INTS1: variants seen among roughly 807,000 people sequenced by gnomAD.
The protein encoded by INTS1 is integrator complex subunit 1.
Under a neutral mutation model 241.6 loss-of-function variants are expected in INTS1, and 137 were observed. That is an observed-to-expected ratio of 0.57 (90% confidence interval 0.49 to 0.65). The LOEUF (loss-of-function observed/expected upper bound fraction) is 0.65. Ranked by LOEUF, INTS1 falls within the 30% of genes least tolerant of loss-of-function variation. The probability of loss-of-function intolerance (pLI) is 0.00; values close to 1 mark genes in which losing one functional copy is unlikely to be tolerated. For missense variants in INTS1, 3,073 were observed against 3,032.2 expected (o/e 1.01, Z -0.32); for synonymous variants, 1,692 against 1,337.8 (o/e 1.26, Z -5.78).
In INTS1 at chr7:1,496,210, T is replaced by C. The variant is rs765219138; in HGVS notation, c.1657A>G (p.Ile553Val). The C allele has an allele frequency of 1.1e-5, 17 of 1,613,748 alleles. No individual in the cohort carries two copies. Among genetic ancestry groups the C allele is most frequent in the Admixed American group, 3.3e-5 (2 of 60,002 alleles). ...CCGGCCTCCTTCACCTGCGCTGTGA[T>C]GCCCAGCATCATGGACACGGCCAGG... ...DVLAVSMMLG[I>V]TAQVKEAGIA... Residue 553 changes from isoleucine (I) to valine (V), a missense_variant, in exon 12 of 48, where the codon ATC becomes GTC. Physicochemically the swap from Ile to Val is conservative, Grantham distance 29. Transcript: ENST00000404767.
At chr7:1,495,983 G>C (rs1323198980) in intron 12 of INTS1, among the ~76,000 whole-genome samples, 173 bp downstream of exon 12, 1 of 152,188 alleles carries the variant, frequency 6.6e-6, no homozygotes. Flanking sequence ...GGTGAGGCCC[G>C]GATGGACAGG....
Position 1,498,868 on chromosome 7 carries a change from G to C in INTS1, c.1138-16C>G, listed in dbSNP as rs1305238828. On this transcript the variant is annotated splice_polypyrimidine_tract_variant and intron_variant, in intron 8 of 47. Coordinates refer to ENST00000404767, the MANE Select transcript of INTS1 (RefSeq NM_001080453.3). ...GCCGGGTCAGCTGCGGGGCCGAGGA[G>C]GGAGCAGTGGGCTCACGGCCACCCC... The C allele has an allele frequency of 6.3e-7, 1 of 1,588,572 alleles. No individual in the cohort carries two copies. Among genetic ancestry groups the C allele is most frequent in the Non-Finnish European group, 8.6e-7 (1 of 1,168,514 alleles).
rs565349729 is a variant in INTS1 at position 1,493,194 on chromosome 7, G to A, written c.2069-88C>T. The stretch of plus-strand genomic sequence containing the variant: ...AGGGAACCGGCCCTGCTCGGGCCGC[G>A]TCGGGGTGGGGTGGGGGATGCCGCA... On this transcript the variant is annotated intron_variant, in intron 15 of 47. Coordinates refer to ENST00000404767, the MANE Select transcript of INTS1 (RefSeq NM_001080453.3). The surrounding 1 kb of genome is among the most constrained non-coding windows in gnomAD (Gnocchi z 5.3). 34 of 985,386 alleles carry A rather than the reference G, an allele frequency of 3.5e-5. No homozygotes were observed. Among genetic ancestry groups the A allele is most frequent in the African/African-American group, 2.6e-4 (16 of 62,128 alleles). The allele number at this position is 985,386 out of a possible 1,614,324, so 61.0% of individuals were successfully genotyped here. A position where few individuals can be genotyped will look rare whatever the true frequency, so the allele number is the denominator to read the frequency against.
In INTS1 at chr7:1,499,980, G is replaced by T; in HGVS notation, c.588C>A (p.Phe196Leu). 1 of 1,613,614 alleles carries T rather than the reference G, an allele frequency of 6.2e-7. No homozygotes were observed. ...ACACCAGGCTGTTCCCCTTGGCCTTGAAGTTGATGGAGGCGTCCCGCCGCA... is the reference window on the plus strand; with the variant it reads ...ACACCAGGCTGTTCCCCTTGGCCTTTAAGTTGATGGAGGCGTCCCGCCGCA... ...SLLRRDASIN[F>L]KAKGNSLVSV... The change falls in exon 5 of 48, where the codon TTC becomes TTA. Residue 196 changes from phenylalanine to leucine, a missense_variant. By Grantham distance (22) the Phe-to-Leu change is conservative. Transcript: ENST00000404767.
At chr7:1,498,128 G>A (rs1782953999) in intron 10 of INTS1, among the ~76,000 whole-genome samples, 1 of 152,218 alleles carries the variant, frequency 6.6e-6, no homozygotes, top group Non-Finnish European at 1.5e-5. Context: ...ACAGGTCTGG[G>A]TCTTAGCTCA....
chr7:1,474,707 G>GAGC lies in INTS1; in HGVS notation c.5631_5633dup (p.Leu1878dup). On this transcript the variant is annotated inframe_insertion, in exon 40 of 48. Transcript: ENST00000404767. ...GGGCAGGGCTTCTGGGACAGCACCT[G>GAGC]AGCAGCAGCAGCGGGTGCGCCACCG... is the stretch of plus-strand genomic sequence containing the variant. 6.4e-7 allele frequency: 1 copy of GAGC among 1,559,612 alleles called. No homozygotes were observed. The highest frequency in any genetic ancestry group is 8.7e-7 in the Non-Finnish European group (1 of 1,153,906).
At position 1,481,029 on chromosome 7, in the gene INTS1, C is replaced by T. The variant is rs907620487; in HGVS notation, c.3851-96G>A. ...AAACCAGAGTTGGAGATGCCCCCAC[C>T]GTCACCAGCACTTCCCAAGGACTTC... On this transcript the variant is annotated intron_variant, in intron 28 of 47. Transcript: ENST00000404767. The surrounding 1 kb of genome is among the most constrained non-coding windows in gnomAD (Gnocchi z 6.8). The T allele has an allele frequency of 3.3e-5, 29 of 883,472 alleles. No individual in the cohort carries two copies. Among genetic ancestry groups the T allele is most frequent in the Admixed American group, 8.4e-5 (4 of 47,542 alleles). The allele number at this position is 883,472 out of a possible 1,614,324, so 54.7% of individuals were successfully genotyped here.
At chr7:1,475,788 T>A (rs1781687169) in intron 39 of INTS1, among the ~76,000 whole-genome samples, 160 bp downstream of exon 39, 1 of 152,154 alleles carries the variant, frequency 6.6e-6, no homozygotes, top group Non-Finnish European at 1.5e-5. Context: ...GGTATAAAAC[T>A]CAACGCAGAC....
chr7:1,470,976 A>G lies in INTS1; in HGVS notation c.6348-21T>C, dbSNP rs1584252237. 3 of 1,541,596 alleles carry G rather than the reference A, an allele frequency of 1.9e-6. No individual in the cohort carries two copies. The African/African-American group carries it at 4.1e-5, about 21-fold the overall frequency. ...CAATGCTGAAAGACCCACACACTTC[A>G]GTGGGAACCTCCACCCTGTGCCCAC... is the stretch of plus-strand genomic sequence containing the variant. On this transcript the variant is annotated intron_variant, in intron 46 of 47. Transcript: ENST00000404767.
At position 1,500,220 on chromosome 7, in the gene INTS1, A is replaced by G; in HGVS notation, c.496T>C (p.Tyr166His). The G allele has an allele frequency of 1.2e-6, 2 of 1,605,006 alleles. No homozygotes were observed. Among genetic ancestry groups the G allele is most frequent in the South Asian group, 1.1e-5 (1 of 89,776 alleles). The stretch of plus-strand genomic sequence containing the variant: ...ATGTTGGGCTTGATCTTGGCCAGGT[A>G]CATGAGGCTCAGGTAGAGGGTGCTG... Reference protein sequence around the residue: ...PDSTLYLSLMYLAKIKPNIFA... With the variant: ...PDSTLYLSLMHLAKIKPNIFA... The change falls in exon 4 of 48, where the codon TAC (tyrosine) becomes CAC (histidine). Residue 166 changes from tyrosine to histidine, a missense_variant. Coordinates refer to ENST00000404767, the MANE Select transcript of INTS1 (RefSeq NM_001080453.3).
At chr7:1,498,941 C>CG in intron 8 of INTS1, 34 bp downstream of exon 8, 5 of 1,344,054 alleles carry the variant, frequency 3.7e-6, no homozygotes, top group East Asian at 2.7e-5. Flanking sequence ...CCCCCACCCC[C>CG]TGCCCCGCCC....
intron 40 of INTS1, 101 bp from the exon 41 acceptor site, chr7:1,474,461 G>T: frequency 7.8e-7 from 1 of 1,278,162 alleles, no homozygotes; most frequent in South Asian, 1.5e-5. Flanking sequence ...CAGACCCCGT[G>T]CTGCCCCCCA....
Position 1,484,165 on chromosome 7 carries a change from C to T in INTS1, c.3267G>A (p.Val1089=). 1 of 1,609,898 alleles carries T rather than the reference C, an allele frequency of 6.2e-7. No homozygotes were observed. The highest frequency in any genetic ancestry group is 2.2e-5 in the East Asian group (1 of 44,818). The change falls in exon 25 of 48, where the codon GTG becomes GTA. Residue 1089 remains valine (V), a synonymous_variant. Transcript: ENST00000404767. ...QAQHSDLALD[V]ARLVVERSTI... ...TGGAGCGCTCCACGACCAGCCGGGCCACGTCCTGGTGTGTGGACAGGGGGG... is the reference window on the plus strand; with the variant it reads ...TGGAGCGCTCCACGACCAGCCGGGCTACGTCCTGGTGTGTGGACAGGGGGG...
intron 27 of INTS1, 180 bp downstream of exon 27, chr7:1,482,366 C>T (rs964856695): frequency 1.9e-6 from 1 of 538,420 alleles, no homozygotes; most frequent in African/African-American, 1.9e-5. Flanking sequence ...CCTAGGTCTC[C>T]TCCCAGGGTC....
At chr7:1,490,741 G>A (rs1782509686) in intron 16 of INTS1, among the ~76,000 whole-genome samples, 1 of 152,218 alleles carries the variant, frequency 6.6e-6, no homozygotes, top group Non-Finnish European at 1.5e-5. Flanking sequence ...AATTCACGTG[G>A]AAATGAAAGG....
intron 18 of INTS1, 104 bp from the exon 19 acceptor site, chr7:1,488,061 T>A (rs765765266): frequency 2.1e-4 from 243 of 1,171,054 alleles, no homozygotes; most frequent in Middle Eastern, 4.1e-4. Flanking sequence ...CGGCTGCTGC[T>A]GCCTCTGCTG....
rs1036980939 is a variant in INTS1 at position 1,474,590 on chromosome 7, G to A, written c.5636+115C>T. ...TCCCCCGGTCAAGCTCAGCCCATGGGAACATGCTTTTTTTTGTTGTTTTTG... is the reference window on the plus strand; with the variant it reads ...TCCCCCGGTCAAGCTCAGCCCATGGAAACATGCTTTTTTTTGTTGTTTTTG... On this transcript the variant is annotated intron_variant, in intron 40 of 47. Transcript: ENST00000404767. The A allele has an allele frequency of 7.2e-6, 10 of 1,391,958 alleles. No homozygotes were observed. The African/African-American group carries it at 1.0e-4, about 14-fold the overall frequency. 86.2% of individuals were successfully genotyped at this position (1,391,958 alleles called of 1,614,324 possible).
At position 1,497,353 on chromosome 7, in the gene INTS1, G is replaced by A. The variant is rs1033608673; in HGVS notation, c.1426-39C>T. 2.5e-6 allele frequency: 4 copies of A among 1,581,224 alleles called. No individual in the cohort carries two copies. The highest frequency in any genetic ancestry group is 2.6e-6 in the Non-Finnish European group (3 of 1,164,224). On this transcript the variant is annotated intron_variant, in intron 10 of 47. Transcript: ENST00000404767. The surrounding 1 kb of genome is among the most constrained non-coding windows in gnomAD (Gnocchi z 5.3). Reference sequence around the variant, plus strand: ...AGGCCGCGTGGGAGGCTGCCCGACAGTGCTGTCCCTGTCACAGGCCCCTTC... The same window carrying A: ...AGGCCGCGTGGGAGGCTGCCCGACAATGCTGTCCCTGTCACAGGCCCCTTC...
Position 1,503,209 on chromosome 7 carries a change from A to G in INTS1, c.59-18T>C. On this transcript the variant is annotated intron_variant, in intron 2 of 47. Transcript: ENST00000404767. ...AGGGTGCCCTGCAGAGAAAGGAGAG[A>G]GAAAACCGGGCACATTTGCAACACC... 2.0e-6 allele frequency: 3 copies of G among 1,518,320 alleles called. No individual in the cohort carries two copies. In the South Asian group the frequency reaches 4.0e-5, roughly 20 times the overall value. The allele number at this position is 1,518,320 out of a possible 1,614,324, so 94.1% of individuals were successfully genotyped here.
Sources: gnomAD v4.1 joint callset for allele counts (sites outside exome capture counted in the v4.1 genomes callset) on GRCh38, gnomAD v4.1.1 for gene constraint, Gnocchi (gnomAD v3.1) non-coding constraint, MANE v1.5 for transcripts, NCBI Gene and HGNC (gene_info 2026-07-23, HGNC 2026-07-21) for gene names.